The following DPP6 variants were observed in gnomAD, a reference collection of about 807,000 sequenced individuals.
DPP6 encodes A-type potassium channel modulatory protein DPP6.
A neutral mutation model predicts 122.6 loss-of-function variants in DPP6; 69 were observed. The ratio of observed to expected loss-of-function variants is 0.56; its 90% CI spans 0.46 to 0.69. The LOEUF is 0.69. Among genes scored for constraint, DPP6 ranks in the 30% least tolerant of loss-of-function variants. The probability of loss-of-function intolerance (pLI) is 0.00; values close to 1 mark genes in which losing one functional copy is unlikely to be tolerated. For synonymous variants in DPP6, 418 were observed against 433.1 expected, an observed-to-expected ratio of 0.97 and a Z score of 0.43; for missense variants, 928 against 1,116.9, an observed-to-expected ratio of 0.83 and a Z score of 2.41.
chr7:154,829,330 C>A (rs1310984578), intron 16 of DPP6, among the ~76,000 whole-genome samples: 2 of 151,246 alleles, frequency 1.3e-5, no homozygotes, highest in African/African-American at 4.9e-5. Flanking sequence ...CTGCAGTGAG[C>A]TGTGATTGTG....
intron 16 of DPP6, among the ~76,000 whole-genome samples, chr7:154,820,435 CAGA>C (rs1799687075): frequency 1.3e-5 from 2 of 152,124 alleles, no homozygotes; most frequent in Admixed American, 6.5e-5. Context: ...TTTTGTAATT[CAGA>C]AGAAGAACTG....
chr7:153,976,919 C>T (rs773097089), intron 1 of DPP6, among the ~76,000 whole-genome samples: 5 of 152,184 alleles, frequency 3.3e-5, no homozygotes, highest in South Asian at 2.1e-4. Context: ...AGCCTTGCCA[C>T]GCGGCTCTGT....
chr7:154,863,374 G>T lies in DPP6; in HGVS notation c.1715-4621G>T, dbSNP rs1168506435. 1.4e-5 allele frequency among the ~76,000 whole-genome samples: 2 copies of T among 143,578 alleles called. No homozygotes were observed. Among genetic ancestry groups the T allele is most frequent in the African/African-American group, 5.3e-5 (2 of 37,888 alleles). 94.2% of individuals were successfully genotyped at this position (143,578 alleles called of 152,430 possible). A position where few individuals can be genotyped will look rare whatever the true frequency, so the allele number is the denominator to read the frequency against. On this transcript the variant is annotated intron_variant, in intron 17 of 25. Transcript: ENST00000377770. The surrounding 1 kb of genome is among the most constrained non-coding windows in gnomAD (Gnocchi z 4.1). ...TTTTTTTTTTTGAGATGGGGGTCTT[G>T]CTCTGTCACCTAGGCTCAAGGGGAG...
chr7:154,691,904 GT>G (rs1223571534), intron 7 of DPP6, among the ~76,000 whole-genome samples: 1 of 152,198 alleles, frequency 6.6e-6, no homozygotes, highest in African/African-American at 2.4e-5. Context: ...CACAAAGGTG[GT>G]TAGTGTTTAA....
At chr7:153,829,080 G>A in the DPP6 span, among the ~76,000 whole-genome samples, 1 of 152,180 alleles carries the variant, frequency 6.6e-6, no homozygotes, top group South Asian at 2.1e-4. Context: ...AAGCACAAAG[G>A]CAGGCCCAGG....
intron 1 of DPP6, among the ~76,000 whole-genome samples, chr7:154,043,393 CAAAAAAAAAAAAAAAAAAAAAA>C (rs58641655): frequency 1.9e-3 from 11 of 5,900 alleles, no homozygotes; most frequent in East Asian, 0.017. Flanking sequence ...AACTCCATCT[CAAAAAAAAAAAAAAAAAAAAAA>C]AAAAAAAAAA....
chr7:154,383,563 T>C (rs190203678), intron 1 of DPP6, among the ~76,000 whole-genome samples: 1 of 152,298 alleles, frequency 6.6e-6, no homozygotes, highest in African/African-American at 2.4e-5. Flanking sequence ...GTGGAAGATT[T>C]TTTTCTCTGA....
chr7:154,682,783 A>G (rs1839362387), intron 7 of DPP6, among the ~76,000 whole-genome samples: 1 of 152,150 alleles, frequency 6.6e-6, no homozygotes, highest in Non-Finnish European at 1.5e-5. Flanking sequence ...CTGCCCTTTG[A>G]CGTGGGTATT....
At chr7:154,529,590 G>A (rs918158153) in intron 3 of DPP6, among the ~76,000 whole-genome samples, 4 of 152,200 alleles carry the variant, frequency 2.6e-5, no homozygotes, top group Non-Finnish European at 5.9e-5. Flanking sequence ...AAATGGAACA[G>A]ATTTCTGGAA....
At chr7:153,960,822 A>C (rs1229106215) in intron 1 of DPP6, among the ~76,000 whole-genome samples, 1 of 149,072 alleles carries the variant, frequency 6.7e-6, no homozygotes, top group African/African-American at 2.5e-5. Context: ...GTGATCTAGG[A>C]TTATATCACT....
chr7:153,845,739 T>C, the DPP6 span, among the ~76,000 whole-genome samples: 5 of 152,146 alleles, frequency 3.3e-5, no homozygotes, highest in Non-Finnish European at 5.9e-5. Context: ...TGTTCTCTTG[T>C]GGTTACGGTA....
intron 7 of DPP6, among the ~76,000 whole-genome samples, chr7:154,715,813 T>C (rs981959840): frequency 1.3e-5 from 2 of 152,208 alleles, no homozygotes; most frequent in Non-Finnish European, 1.5e-5. Context: ...TGTCTCTCTT[T>C]AAACACTAAC....
chr7:154,321,182 T>C (rs1807918385), intron 1 of DPP6, among the ~76,000 whole-genome samples: 1 of 150,794 alleles, frequency 6.6e-6, no homozygotes, highest in Non-Finnish European at 1.5e-5. Flanking sequence ...GAGGCTGAGG[T>C]GGGAGGATCG....
chr7:154,806,917 C>T, intron 15 of DPP6, 77 bp from the exon 16 acceptor site: 1 of 1,568,644 alleles, frequency 6.4e-7, no homozygotes. Flanking sequence ...TGGGGAGAGC[C>T]CACCAGCTTG....
At chr7:154,307,472 A>T (rs1227403074) in intron 1 of DPP6, among the ~76,000 whole-genome samples, 1 of 152,130 alleles carries the variant, frequency 6.6e-6, no homozygotes, top group Non-Finnish European at 1.5e-5. Flanking sequence ...TCAACCCTAA[A>T]AAATGAACAG....
In DPP6 at chr7:154,431,813, G is replaced by A. The variant is rs1045879106; in HGVS notation, c.244-14401G>A. On this transcript the variant is annotated intron_variant, in intron 1 of 25. Coordinates refer to ENST00000377770, the MANE Select transcript of DPP6 (RefSeq NM_130797.4). The stretch of plus-strand genomic sequence containing the variant: ...CTCCCAAAGTGCTGGGATTACAGGC[G>A]AGAGCCACCGCACCCAGCCTTTCCT... Among the ~76,000 whole-genome samples, 4 of 152,180 alleles carry A rather than the reference G, an allele frequency of 2.6e-5. 1 individual carries two copies. Among genetic ancestry groups the A allele is most frequent in the South Asian group, 4.2e-4 (2 of 4,818 alleles).
At chr7:153,756,841 T>A in the DPP6 span, among the ~76,000 whole-genome samples, 9 of 151,884 alleles carry the variant, frequency 5.9e-5, no homozygotes, top group African/African-American at 1.7e-4. Flanking sequence ...TATTGATTTT[T>A]AAAATTTTAA....
At chr7:154,076,209 G>C (rs1355893019) in intron 1 of DPP6, among the ~76,000 whole-genome samples, 1 of 152,170 alleles carries the variant, frequency 6.6e-6, no homozygotes, top group East Asian at 1.9e-4. Context: ...CAGCGCTTTG[G>C]GAGGCCAAGG....
intron 1 of DPP6, among the ~76,000 whole-genome samples, chr7:154,109,258 C>T (rs566711860): frequency 9.2e-5 from 14 of 152,358 alleles, no homozygotes; most frequent in African/African-American, 3.4e-4. Flanking sequence ...AAATTATACT[C>T]TAGTATGCTG....
Sources: allele counts gnomAD v4.1 joint callset (sites outside exome capture counted in the v4.1 genomes callset), GRCh38; gene constraint gnomAD v4.1.1; non-coding constraint Gnocchi (gnomAD v3.1); transcripts MANE v1.5; gene names NCBI Gene and HGNC (gene_info 2026-07-23, HGNC 2026-07-21).